Variants in ACO2 observed in about 807,000 individuals in gnomAD.
ACO2 encodes aconitase 2, also known as aconitate hydratase, mitochondrial.
A neutral mutation model predicts 84.5 loss-of-function variants in ACO2; 31 were observed. That is an observed-to-expected ratio of 0.37 (90% CI 0.28 to 0.50). The LOEUF (loss-of-function observed/expected upper bound fraction) is 0.50, where lower values mean the gene tolerates loss of function less well. Ranked by LOEUF, ACO2 falls within the 20% of genes least tolerant of loss-of-function variation. The probability of loss-of-function intolerance (pLI) is 0.97; values close to 1 mark genes in which losing one functional copy is unlikely to be tolerated. For missense variants in ACO2, 685 were observed against 1,029.3 expected (o/e 0.67, Z 4.58); for synonymous variants, 414 against 412.7 (o/e 1.00, Z -0.04).
intron 3 of ACO2, among the ~76,000 whole-genome samples, chr22:41,508,724 G>A (rs922949683): frequency 7.9e-5 from 12 of 152,160 alleles, no homozygotes; most frequent in East Asian, 1.9e-4. Context: ...TCCCAGGCTC[G>A]GCTTGTGGGA....
At chr22:41,522,727 A>G (rs1218861491) in intron 9 of ACO2, 103 bp from the exon 10 acceptor site, 3 of 1,356,600 alleles carry the variant, frequency 2.2e-6, no homozygotes, top group African/African-American at 2.9e-5. Context: ...CCCAGCCCAG[A>G]TGGTGAACTC....
rs13056499 is a variant in ACO2, at chr22:41,481,526, A to G, written c.36+12344A>G. On this transcript the variant is annotated intron_variant, in intron 1 of 17. Coordinates refer to ENST00000216254, the MANE Select transcript of ACO2 (RefSeq NM_001098.3). ...GAATAGGTCAGTCCGTTTCGATTGT[A>G]GTATTCTCTGAATACAACTGGTCCC... Among the ~76,000 whole-genome samples the G allele has an allele frequency of 5.4e-3, 827 of 152,360 alleles. 11 individuals carry two copies. The highest frequency in any genetic ancestry group is 0.028 in the South Asian group (134 of 4,830).
chr22:41,526,414 G>A lies in ACO2; in HGVS notation c.1914G>A (p.Gln638=), dbSNP rs2066597387. 6.2e-7 allele frequency: 1 copy of A among 1,613,858 alleles called. No individual in the cohort carries two copies. ...KANSVRNAVT[Q]EFGPVPDTAR... ...ACTCCGTGCGCAATGCCGTCACTCA[G>A]GAGTTTGGCCCCGTCCCTGACACTG... The change falls in exon 15 of 18, where the codon CAG becomes CAA. Residue 638 remains glutamine (Q), a synonymous_variant. Transcript: ENST00000216254.
chr22:41,510,695 C>T (rs1293597762), intron 3 of ACO2, among the ~76,000 whole-genome samples: 1 of 152,166 alleles, frequency 6.6e-6, no homozygotes, highest in African/African-American at 2.4e-5. Flanking sequence ...TCTCACTGAC[C>T]CCACACAGGG....
intron 16 of ACO2, 157 bp from the exon 17 acceptor site, chr22:41,527,744 T>A: frequency 8.1e-7 from 1 of 1,240,726 alleles, no homozygotes; most frequent in Non-Finnish European, 1.1e-6. Context: ...GGGGCACCCC[T>A]AGTGAAAGGG....
intron 2 of ACO2, among the ~76,000 whole-genome samples, chr22:41,502,283 C>T (rs757295057): frequency 6.6e-6 from 1 of 152,182 alleles, no homozygotes; most frequent in Non-Finnish European, 1.5e-5. Context: ...GCATTGGCAT[C>T]ACCTAGGAGC....
chr22:41,521,620 G>A (rs904735188), intron 9 of ACO2: 10 of 152,156 alleles, frequency 6.6e-5, no homozygotes, highest in Non-Finnish European at 1.0e-4. Context: ...ATACCGTCTG[G>A]CCGAAAATAA....
chr22:41,478,659 A>G (rs543696693), intron 1 of ACO2, among the ~76,000 whole-genome samples: 390 of 151,456 alleles, frequency 2.6e-3, no homozygotes, highest in African/African-American at 9.0e-3. Flanking sequence ...AGAGATTGAG[A>G]TGGTTTCTGA....
At chr22:41,470,694 C>T (rs1040563754) in intron 1 of ACO2, among the ~76,000 whole-genome samples, 1 of 152,024 alleles carries the variant, frequency 6.6e-6, no homozygotes, top group African/African-American at 2.4e-5. Context: ...AGGTGTGCAC[C>T]ACCATGCTTG....
chr22:41,515,488 G>C lies in ACO2; in HGVS notation c.637G>C (p.Ala213Pro), dbSNP rs1272472222. The change falls in exon 5 of 18, where the codon GCT becomes CCT. Residue 213 changes from alanine to proline, a missense_variant. Around this residue, in one of 5 missense-constraint regions of ACO2, gnomAD observed 92 missense variants for 203.7 expected, o/e 0.45. Coordinates refer to ENST00000216254, the MANE Select transcript of ACO2 (RefSeq NM_001098.3). The surrounding 1 kb of genome is among the most constrained non-coding windows in gnomAD (Gnocchi z 5.8). ...GICIGVGGAD[A>P]VDVMAGIPWE... ...CTGCATTGGAGTTGGGGGTGCCGATGCTGTGGATGTCATGGCTGGGATCCC... is the reference window on the plus strand; with the variant it reads ...CTGCATTGGAGTTGGGGGTGCCGATCCTGTGGATGTCATGGCTGGGATCCC... The C allele has an allele frequency of 6.2e-7, 1 of 1,613,666 alleles. No individual in the cohort carries two copies.
intron 2 of ACO2, among the ~76,000 whole-genome samples, chr22:41,503,400 G>A (rs1175837692): frequency 6.6e-6 from 1 of 151,758 alleles, no homozygotes; most frequent in Non-Finnish European, 1.5e-5. Context: ...GAACGATCTC[G>A]GCTCACTGCA....
At chr22:41,478,783 T>TTTTTTTTTC (rs2038051181) in intron 1 of ACO2, among the ~76,000 whole-genome samples, 1 of 149,944 alleles carries the variant, frequency 6.7e-6, no homozygotes, top group African/African-American at 2.5e-5. Flanking sequence ...TTTTTTTTTT[T>TTTTTTTTTC]TGAGAAGGAG....
intron 9 of ACO2, among the ~76,000 whole-genome samples, 193 bp from the exon 10 acceptor site, chr22:41,522,637 G>A (rs958979928): frequency 6.8e-6 from 1 of 146,072 alleles, no homozygotes; most frequent in Non-Finnish European, 1.5e-5. Flanking sequence ...TTCAAATGAC[G>A]CCACGTCATG....
chr22:41,469,321 C>A, intron 1 of ACO2, 139 bp downstream of exon 1: 1 of 1,025,912 alleles, frequency 9.7e-7, no homozygotes, highest in South Asian at 1.8e-5. Flanking sequence ...GGGCCCGGCA[C>A]CCGTGCCCGC....
At chr22:41,528,258 CAG>C (rs887911369) in intron 17 of ACO2, 28 of 837,820 alleles carry the variant, frequency 3.3e-5, no homozygotes, top group Admixed American at 1.5e-4. Context: ...ACCTGGCACT[CAG>C]GGGACAGCCC....
intron 12 of ACO2, among the ~76,000 whole-genome samples, chr22:41,524,328 C>A (rs921934510): frequency 1.3e-5 from 2 of 152,242 alleles, no homozygotes; most frequent in Non-Finnish European, 2.9e-5. Flanking sequence ...AGGAGTTCCA[C>A]AAAAGCGAGG....
intron 1 of ACO2, among the ~76,000 whole-genome samples, chr22:41,480,878 C>T (rs2038079062): frequency 6.6e-6 from 1 of 152,088 alleles, no homozygotes. Context: ...TACAGTGGCT[C>T]GATCTTGGCT....
At chr22:41,469,390 C>T in intron 1 of ACO2, 2 of 511,760 alleles carry the variant, frequency 3.9e-6, no homozygotes, top group South Asian at 3.1e-5. Context: ...GGCCCTGTCC[C>T]TGCCTCGCAA....
chr22:41,499,581 C>G, intron 1 of ACO2, 145 bp from the exon 2 acceptor site: 1 of 871,172 alleles, frequency 1.1e-6, no homozygotes. Flanking sequence ...CATCCCTGTC[C>G]TGCAGATGAG....
Sources: allele counts gnomAD v4.1 joint callset (sites outside exome capture counted in the v4.1 genomes callset), GRCh38; gene constraint gnomAD v4.1.1; regional missense constraint gnomAD v4.1.1; non-coding constraint Gnocchi (gnomAD v3.1); transcripts MANE v1.5; gene names NCBI Gene and HGNC (gene_info 2026-07-23, HGNC 2026-07-21).